The following ADAM10 variants were observed in gnomAD, a reference collection of about 807,000 sequenced individuals.
ADAM10 encodes the protein ADAM metallopeptidase domain 10.
ADAM10 carries 17 observed loss-of-function variants against 90.1 expected under a neutral mutation model. The observed-to-expected ratio is 0.19, with a 90% CI of 0.13 to 0.28. ADAM10 has a LOEUF of 0.28. Ranked by LOEUF, ADAM10 falls within the 10% of genes least tolerant of loss-of-function variation. ADAM10 has a pLI of 1.00. For missense variants in ADAM10, 610 were observed against 914.3 expected (o/e 0.67, Z 4.29); for synonymous variants, 310 against 298.6 (o/e 1.04, Z -0.40).
intron 9 of ADAM10, among the ~76,000 whole-genome samples, chr15:58,630,140 G>C (rs1375862923): frequency 6.6e-6 from 1 of 151,982 alleles, no homozygotes; most frequent in East Asian, 1.9e-4. Flanking sequence ...TGCAAAACTT[G>C]GTATTTAAAT....
chr15:58,667,098 A>C (rs1208810777), intron 4 of ADAM10, among the ~76,000 whole-genome samples: 2 of 152,140 alleles, frequency 1.3e-5, no homozygotes, highest in Non-Finnish European at 2.9e-5. Context: ...CATAGGATGC[A>C]CTGTAGTTCC....
chr15:58,622,351 A>G (rs547182725), intron 10 of ADAM10, among the ~76,000 whole-genome samples: 76 of 152,210 alleles, frequency 5.0e-4, no homozygotes, highest in Non-Finnish European at 9.4e-4. Context: ...CTGTGAATCA[A>G]GTTTCAAACC....
intron 1 of ADAM10, among the ~76,000 whole-genome samples, chr15:58,733,651 C>T (rs1315129893): frequency 6.6e-6 from 1 of 152,126 alleles, no homozygotes; most frequent in Non-Finnish European, 1.5e-5. Context: ...GAGGGAGAAA[C>T]TGCATAACCT....
chr15:58,722,003 G>C (rs1898870783), intron 1 of ADAM10, among the ~76,000 whole-genome samples: 1 of 151,986 alleles, frequency 6.6e-6, no homozygotes, highest in South Asian at 2.1e-4. Context: ...AATCCAGCCT[G>C]GGTGACAAGA....
chr15:58,732,132 A>G (rs1899269780), intron 1 of ADAM10: 1 of 152,302 alleles, frequency 6.6e-6, no homozygotes, highest in African/African-American at 2.4e-5. Context: ...GCCACACCAA[A>G]GTACTGAGAG....
At chr15:58,604,188 C>T (rs1290773716) in intron 14 of ADAM10, among the ~76,000 whole-genome samples, 5 of 151,960 alleles carry the variant, frequency 3.3e-5, no homozygotes, top group African/African-American at 7.3e-5. Context: ...ATGGTGAAAC[C>T]CCATCTGTGC....
At chr15:58,607,004 A>T (rs1895296081) in intron 14 of ADAM10, among the ~76,000 whole-genome samples, 1 of 152,262 alleles carries the variant, frequency 6.6e-6, no homozygotes, top group African/African-American at 2.4e-5. Flanking sequence ...GTTATTTATC[A>T]ATACTGAAAT....
chr15:58,678,309 A>C (rs1193204064), intron 4 of ADAM10, among the ~76,000 whole-genome samples: 2 of 152,120 alleles, frequency 1.3e-5, no homozygotes. Context: ...AATGCTTGTC[A>C]GTGTATTACT....
intron 5 of ADAM10, among the ~76,000 whole-genome samples, chr15:58,658,070 G>C (rs1394763481): frequency 2.6e-5 from 4 of 151,896 alleles, no homozygotes; most frequent in African/African-American, 4.8e-5. Context: ...TTTTCATAGG[G>C]AATTTTTGTG....
chr15:58,744,674 C>T (rs1899728368), intron 1 of ADAM10, among the ~76,000 whole-genome samples: 1 of 152,172 alleles, frequency 6.6e-6, no homozygotes, highest in Non-Finnish European at 1.5e-5. Context: ...GTAAATGTGT[C>T]TACAGTAAAT....
chr15:58,708,039 T>C (rs1350096137), intron 2 of ADAM10, among the ~76,000 whole-genome samples: 1 of 151,836 alleles, frequency 6.6e-6, no homozygotes, highest in Non-Finnish European at 1.5e-5. Context: ...ATCGCGCCAC[T>C]GTACTCCAGC....
At position 58,749,704 on chromosome 15, in the gene ADAM10, C is replaced by G; in HGVS notation, c.-170G>C. 7.0e-7 allele frequency: 1 copy of G among 1,425,256 alleles called. No homozygotes were observed. The highest frequency in any genetic ancestry group is 2.5e-5 in the Admixed American group (1 of 39,268). 88.3% of individuals were successfully genotyped at this position (1,425,256 alleles called of 1,614,324 possible). On this transcript the variant is annotated 5_prime_UTR_variant, in exon 1 of 16. Transcript: ENST00000260408. Reference sequence around the variant, plus strand: ...CCTCTCGCTCCACTTCAGGGGCCGGCAACGCTCCTAGCTCCTCCAAAACAG... The same window carrying G: ...CCTCTCGCTCCACTTCAGGGGCCGGGAACGCTCCTAGCTCCTCCAAAACAG...
chr15:58,618,299 T>C (rs1030790033), intron 11 of ADAM10, among the ~76,000 whole-genome samples: 21 of 152,150 alleles, frequency 1.4e-4, no homozygotes, highest in Non-Finnish European at 8.8e-5. Flanking sequence ...TAAGTGGTGA[T>C]GGGAAAACTG....
chr15:58,726,932 G>A (rs548253271), intron 1 of ADAM10, among the ~76,000 whole-genome samples: 5 of 151,404 alleles, frequency 3.3e-5, no homozygotes, highest in Middle Eastern at 3.4e-3. Flanking sequence ...AGGAGAAGAC[G>A]AAGGGGAAGG....
chr15:58,612,141 T>A (rs112749117), intron 11 of ADAM10, 150 bp from the exon 12 acceptor site: 1 of 838,660 alleles, frequency 1.2e-6, no homozygotes, highest in Non-Finnish European at 1.9e-6. Flanking sequence ...GTTACTGGTA[T>A]ACAACTTCAA....
intron 11 of ADAM10, among the ~76,000 whole-genome samples, chr15:58,619,485 A>G (rs2141006980): frequency 6.6e-6 from 1 of 152,372 alleles, no homozygotes; most frequent in Non-Finnish European, 1.5e-5. Context: ...CCCAAGACAA[A>G]GAAATGATAA....
intron 11 of ADAM10, 51 bp from the exon 12 acceptor site, chr15:58,612,042 A>G: frequency 6.0e-6 from 9 of 1,506,538 alleles, no homozygotes; most frequent in Non-Finnish European, 8.3e-6. Flanking sequence ...GTTATTCCCT[A>G]TATACTATTA....
intron 5 of ADAM10, among the ~76,000 whole-genome samples, chr15:58,657,615 T>G (rs1019915644): frequency 6.6e-6 from 1 of 152,260 alleles, no homozygotes; most frequent in Non-Finnish European, 1.5e-5. Context: ...ATGAATTTCT[T>G]TGAGTTTCCT....
At chr15:58,619,396 T>C (rs1233337434) in intron 11 of ADAM10, among the ~76,000 whole-genome samples, 17 of 152,194 alleles carry the variant, frequency 1.1e-4, no homozygotes, top group African/African-American at 2.9e-4. Context: ...GAATGAGCTC[T>C]AGTGTTTGAT....
Sources: gnomAD v4.1 joint callset for allele counts (sites outside exome capture counted in the v4.1 genomes callset) on GRCh38, gnomAD v4.1.1 for gene constraint, MANE v1.5 for transcripts, NCBI Gene and HGNC (gene_info 2026-07-23, HGNC 2026-07-21) for gene names.